The following ZNF202 variants were observed in gnomAD, a reference collection of about 807,000 sequenced individuals.
The protein encoded by ZNF202 is zinc finger protein 202, also known as zinc finger protein with KRAB and SCAN domains 10.
Under a neutral mutation model 54.5 loss-of-function variants are expected in ZNF202, and 22 were observed. That is an observed-to-expected ratio of 0.40 (90% CI 0.29 to 0.58). ZNF202 has a LOEUF of 0.58. ZNF202 is among the 20% of genes least tolerant of loss of function. The probability of loss-of-function intolerance (pLI) is 0.39; values close to 1 mark genes in which losing one functional copy is unlikely to be tolerated. For synonymous variants in ZNF202, 294 were observed against 301.4 expected (o/e 0.98, Z 0.26); for missense variants, 644 against 805.5 (o/e 0.80, Z 2.43).
At position 123,726,365 on chromosome 11, in the gene ZNF202, GTGT is replaced by G. The variant is rs1311511935; in HGVS notation, c.1576_1578del (p.Thr526del). 1.9e-6 allele frequency: 3 copies of G among 1,614,128 alleles called. No homozygotes were observed. The highest frequency in any genetic ancestry group is 1.7e-6 in the Non-Finnish European group (2 of 1,180,056). ...TTGCCTCCCAGGTGGATTCTTTGGT[GTGT>G]TGTTAACACAGATTTCTGGCTGAAG... On this transcript the variant is annotated inframe_deletion, in exon 9 of 9. Coordinates refer to ENST00000530393, the MANE Select transcript of ZNF202 (RefSeq NM_003455.4). This position sits in a 1 kb window ranked among gnomAD's most constrained non-coding sequence, Gnocchi z 6.0.
At chr11:123,732,266 C>A (rs987044680) in intron 3 of ZNF202, among the ~76,000 whole-genome samples, 31 of 152,198 alleles carry the variant, frequency 2.0e-4, no homozygotes. Context: ...CAAACGTGCT[C>A]ATGTCCCTTT....
intron 1 of ZNF202, among the ~76,000 whole-genome samples, chr11:123,740,923 A>G (rs1245039866): frequency 7.9e-6 from 1 of 126,622 alleles, no homozygotes; most frequent in East Asian, 2.0e-4. Flanking sequence ...TGGAGACAGC[A>G]GCTACTGGCT....
At chr11:123,731,040 A>G in intron 3 of ZNF202, 55 bp from the exon 4 acceptor site, 1 of 835,262 alleles carries the variant, frequency 1.2e-6, no homozygotes, top group Non-Finnish European at 1.8e-6. Context: ...ATACACAAGG[A>G]CAACAGCCTG....
chr11:123,732,356 G>A (rs1336984902), intron 3 of ZNF202, among the ~76,000 whole-genome samples: 2 of 152,136 alleles, frequency 1.3e-5, no homozygotes, highest in South Asian at 2.1e-4. Context: ...TTAGGTTGAC[G>A]TTCATCTTGT....
chr11:123,727,073 G>GT (rs1861184004), intron 8 of ZNF202, 82 bp from the exon 9 acceptor site: 4 of 1,500,694 alleles, frequency 2.7e-6, no homozygotes, highest in Admixed American at 4.4e-5. Flanking sequence ...TTTACAAAGG[G>GT]TTTTGAGATG....
chr11:123,725,955 T>C lies in ZNF202; in HGVS notation c.*42A>G, dbSNP rs757791080. On this transcript the variant is annotated 3_prime_UTR_variant, in exon 9 of 9. Transcript: ENST00000530393. The stretch of plus-strand genomic sequence containing the variant: ...GGCTTTTCCTCTTCCTCACCTCCCT[T>C]AGGTGAGGGCTGAAAGCAGATCTCC... 5.1e-6 allele frequency: 8 copies of C among 1,567,606 alleles called. No homozygotes were observed. The East Asian group carries it at 1.8e-4, about 35-fold the overall frequency.
At chr11:123,727,097 G>T in intron 8 of ZNF202, 106 bp from the exon 9 acceptor site, 1 of 1,347,738 alleles carries the variant, frequency 7.4e-7, no homozygotes, top group Admixed American at 2.3e-5. Context: ...AGACTAAATA[G>T]AATGCCTGTC....
intron 3 of ZNF202, among the ~76,000 whole-genome samples, chr11:123,734,425 T>A (rs1419791907): frequency 2.0e-5 from 3 of 152,230 alleles, no homozygotes; most frequent in African/African-American, 7.2e-5. Flanking sequence ...AGAATTACTG[T>A]TCTTTCTTTT....
At chr11:123,739,953 C>G (rs1224879333) in intron 3 of ZNF202, among the ~76,000 whole-genome samples, 164 bp downstream of exon 3, 1 of 152,146 alleles carries the variant, frequency 6.6e-6, no homozygotes. Context: ...AGAACCACCA[C>G]CTAGCAAATG....
rs1372075491 is a variant in ZNF202, at chr11:123,729,159, T to A, written c.669A>T (p.Ser223=). 6.2e-7 allele frequency: 1 copy of A among 1,614,004 alleles called. No homozygotes were observed. Reference sequence around the variant, plus strand: ...GAGCAGTAAGAAGAGCAACCATCTCTGAGTCTCCAGAGCTCCTCTCTGCAG... The same window carrying A: ...GAGCAGTAAGAAGAGCAACCATCTCAGAGTCTCCAGAGCTCCTCTCTGCAG... The part of the protein sequence containing the change: ...DLPAERSSGD[S]EMVALLTALS... The change falls in exon 6 of 9, where the codon TCA becomes TCT. Residue 223 remains serine, a synonymous_variant. Coordinates refer to ENST00000530393, the MANE Select transcript of ZNF202 (RefSeq NM_003455.4).
chr11:123,729,064 T>G, intron 6 of ZNF202, 62 bp downstream of exon 6: 1 of 1,545,676 alleles, frequency 6.5e-7, no homozygotes, highest in Admixed American at 1.7e-5. Context: ...CTGTTTAGTA[T>G]GGCTTATGCC....
chr11:123,740,551 T>A lies in ZNF202; in HGVS notation c.-293-15A>T, dbSNP rs555298195. 6.6e-6 allele frequency: 1 copy of A among 152,180 alleles called. No homozygotes were observed. The highest frequency in any genetic ancestry group is 1.5e-5 in the Non-Finnish European group (1 of 68,078). 9.4% of individuals were successfully genotyped at this position (152,180 alleles called of 1,614,324 possible). ...CTGGGTGTCACCTGCAGAGCGTGGA[T>A]AGAGAAAAAGCAACAGTTCTAAGCC... On this transcript the variant is annotated splice_polypyrimidine_tract_variant and intron_variant, in intron 1 of 8. Coordinates refer to ENST00000530393, the MANE Select transcript of ZNF202 (RefSeq NM_003455.4).
intron 3 of ZNF202, among the ~76,000 whole-genome samples, chr11:123,731,219 C>CTGCATTTCACT (rs1861392278): frequency 6.6e-6 from 1 of 152,184 alleles, no homozygotes. Flanking sequence ...CAAGAAAATA[C>CTGCATTTCACT]TGCATTTCCA....
chr11:123,734,028 A>G (rs1473853554), intron 3 of ZNF202, among the ~76,000 whole-genome samples: 1 of 152,126 alleles, frequency 6.6e-6, no homozygotes, highest in Non-Finnish European at 1.5e-5. Flanking sequence ...AAGTCAGCTT[A>G]TACTTATTTT....
Position 123,724,286 on chromosome 11 carries a change from A to G in ZNF202, c.*1711T>C, listed in dbSNP as rs1203260888. 5.9e-5 allele frequency: 9 copies of G among 152,264 alleles called. No individual in the cohort carries two copies. The highest frequency in any genetic ancestry group is 2.2e-4 in the African/African-American group (9 of 41,470). The allele number at this position is 152,264 out of a possible 1,614,324, so 9.4% of individuals were successfully genotyped here. On this transcript the variant is annotated 3_prime_UTR_variant, in exon 9 of 9. Coordinates refer to ENST00000530393, the MANE Select transcript of ZNF202 (RefSeq NM_003455.4). ...GAACCACCCTCAGAAGTATCAGGACACTGAAGCCCTGGAAAAGGAATGGGT... is the reference window on the plus strand; with the variant it reads ...GAACCACCCTCAGAAGTATCAGGACGCTGAAGCCCTGGAAAAGGAATGGGT...
chr11:123,733,246 T>C (rs4935843), intron 3 of ZNF202, among the ~76,000 whole-genome samples: 99,465 of 147,872 alleles, frequency 0.67, 33,034 homozygotes, highest in Middle Eastern at 0.81. Context: ...CAGTCAATGA[T>C]CACATTATCT....
At position 123,724,838 on chromosome 11, in the gene ZNF202, G is replaced by A. The variant is rs770249421; in HGVS notation, c.*1159C>T. The A allele has an allele frequency of 2.0e-5, 3 of 152,226 alleles. No homozygotes were observed. Among genetic ancestry groups the A allele is most frequent in the African/African-American group, 4.8e-5 (2 of 41,450 alleles). 9.4% of individuals were successfully genotyped at this position (152,226 alleles called of 1,614,324 possible). On this transcript the variant is annotated 3_prime_UTR_variant, in exon 9 of 9. Transcript: ENST00000530393. ...CAGGGTCCCAGGTTCAACACTTTCC[G>A]TGATGTCAGAGTACTCAGTCAGGGA... is the stretch of plus-strand genomic sequence containing the variant.
chr11:123,732,892 A>C (rs1041627744), intron 3 of ZNF202, among the ~76,000 whole-genome samples: 3 of 152,034 alleles, frequency 2.0e-5, no homozygotes, highest in African/African-American at 7.2e-5. Flanking sequence ...TGTCTTTCGA[A>C]TCCATCCATC....
chr11:123,738,488 T>G (rs140611946), intron 3 of ZNF202: 2 of 152,246 alleles, frequency 1.3e-5, no homozygotes, highest in East Asian at 3.9e-4. Flanking sequence ...CATGACAAAT[T>G]AACCTGAAGC....
Sources: allele counts gnomAD v4.1 joint callset (sites outside exome capture counted in the v4.1 genomes callset), GRCh38; gene constraint gnomAD v4.1.1; non-coding constraint Gnocchi (gnomAD v3.1); transcripts MANE v1.5; gene names NCBI Gene and HGNC (gene_info 2026-07-23, HGNC 2026-07-21).